EYS: variants seen among roughly 807,000 people sequenced by gnomAD.
EYS encodes EGF-like photoreceptor maintenance factor.
In EYS, 250 loss-of-function variants were observed where a neutral mutation model predicts 282.1. The observed-to-expected ratio is 0.89, with a 90% confidence interval of 0.80 to 0.98. EYS has a LOEUF of 0.98. EYS is among the 50% of genes least tolerant of loss of function. EYS has a pLI of 0.00. For missense variants in EYS, 4,016 were observed against 3,709.0 expected (o/e 1.08, Z -2.15); for synonymous variants, 1,355 against 1,282.9 (o/e 1.06, Z -1.20).
At chr6:65,182,634 C>A (rs780598551) in intron 12 of EYS, among the ~76,000 whole-genome samples, 1 of 151,782 alleles carries the variant, frequency 6.6e-6, no homozygotes, top group Non-Finnish European at 1.5e-5. Context: ...CCTCACAAAT[C>A]TATTAGTCTC....
At chr6:64,989,382 C>A (rs1026314395) in intron 14 of EYS, among the ~76,000 whole-genome samples, 32 of 56,414 alleles carry the variant, frequency 5.7e-4, no homozygotes, top group African/African-American at 3.8e-3. Flanking sequence ...AGGCTATTTA[C>A]TGGCTAGCTG....
chr6:65,591,327 T>C (rs1765226094), intron 2 of EYS, among the ~76,000 whole-genome samples: 1 of 149,436 alleles, frequency 6.7e-6, no homozygotes, highest in Non-Finnish European at 1.5e-5. Flanking sequence ...GCCTCCCAAG[T>C]AGCTACTTAC....
chr6:65,465,994 C>A (rs1764984853), intron 5 of EYS, among the ~76,000 whole-genome samples: 1 of 151,502 alleles, frequency 6.6e-6, no homozygotes, highest in Non-Finnish European at 1.5e-5. Context: ...ATCAATCAAT[C>A]AATCAATAAT....
Position 64,688,071 on chromosome 6 carries a change from T to C in EYS, c.3444-61826A>G, listed in dbSNP as rs557720367. 6.6e-4 allele frequency among the ~76,000 whole-genome samples: 101 copies of C among 152,084 alleles called. 2 individuals carry two copies. The highest frequency in any genetic ancestry group is 9.8e-4 in the Admixed American group (15 of 15,240). ...TATCTCTGTGGGATCGGTGGTGGTA[T>C]CCCCTTTATCATTTTTTATTGTGTC... On this transcript the variant is annotated intron_variant, in intron 22 of 42. Transcript: ENST00000503581.
intron 14 of EYS, among the ~76,000 whole-genome samples, chr6:64,958,207 T>C (rs1769776150): frequency 6.6e-6 from 1 of 152,130 alleles, no homozygotes; most frequent in African/African-American, 2.4e-5. Context: ...CCATATGTTG[T>C]GTGTATATGT....
chr6:65,514,277 A>G (rs1184579853), intron 2 of EYS, among the ~76,000 whole-genome samples: 3 of 152,154 alleles, frequency 2.0e-5, no homozygotes, highest in Admixed American at 6.5e-5. Context: ...CCACTGCTCA[A>G]TGAAATAAAA....
At chr6:65,105,214 AC>A (rs1775002168) in intron 12 of EYS, among the ~76,000 whole-genome samples, 1 of 151,792 alleles carries the variant, frequency 6.6e-6, no homozygotes, top group African/African-American at 2.4e-5. Flanking sequence ...CAAAAATCAA[AC>A]AATTTTAATA....
intron 22 of EYS, among the ~76,000 whole-genome samples, chr6:64,689,194 C>G (rs1367073030): frequency 1.3e-5 from 2 of 152,066 alleles, no homozygotes; most frequent in Non-Finnish European, 2.9e-5. Context: ...AACAGAGAGC[C>G]AAATCATGAG....
chr6:63,728,124 T>C (rs1044690057), intron 41 of EYS, among the ~76,000 whole-genome samples: 1 of 152,136 alleles, frequency 6.6e-6, no homozygotes, highest in Non-Finnish European at 1.5e-5. Context: ...ATGTTTATTA[T>C]AAGACAAACA....
At chr6:65,343,639 C>T (rs943868819) in intron 10 of EYS, among the ~76,000 whole-genome samples, 14 of 150,984 alleles carry the variant, frequency 9.3e-5, no homozygotes, top group African/African-American at 3.4e-4. Flanking sequence ...TTTTAAGTAG[C>T]TTGCTCGTGT....
chr6:65,403,267 G>C (rs1276454688), intron 6 of EYS, among the ~76,000 whole-genome samples: 1 of 151,934 alleles, frequency 6.6e-6, no homozygotes, highest in East Asian at 1.9e-4. Context: ...ATGCATCCAT[G>C]GGCAGGTAAA....
chr6:64,917,749 T>A (rs546561730), intron 15 of EYS, among the ~76,000 whole-genome samples: 116 of 152,298 alleles, frequency 7.6e-4, no homozygotes, highest in African/African-American at 2.6e-3. Flanking sequence ...ATTAGCTTGA[T>A]TTACCCATTT....
At chr6:65,552,890 T>C (rs1008591034) in intron 2 of EYS, among the ~76,000 whole-genome samples, 1 of 152,172 alleles carries the variant, frequency 6.6e-6, no homozygotes, top group Admixed American at 6.5e-5. Flanking sequence ...AGCCTTTCAG[T>C]TCTAAGGTAC....
intron 31 of EYS, among the ~76,000 whole-genome samples, chr6:64,168,552 G>A (rs949382391): frequency 1.3e-5 from 2 of 152,114 alleles, no homozygotes; most frequent in South Asian, 4.2e-4. Flanking sequence ...CTTGTAAATC[G>A]ATAAAAAGTA....
rs116791783 is a variant in EYS at position 65,431,517 on chromosome 6, A to G, written c.863-26150T>C. 5.1e-3 allele frequency among the ~76,000 whole-genome samples: 770 copies of G among 152,078 alleles called. 6 individuals carry two copies. The highest frequency in any genetic ancestry group is 0.018 in the African/African-American group (727 of 41,540). ...ATAAATAATATATTATTTGTAATTTACTATTCTCTCTTCTGGGGAGCTTTC... is the reference window on the plus strand; with the variant it reads ...ATAAATAATATATTATTTGTAATTTGCTATTCTCTCTTCTGGGGAGCTTTC... On this transcript the variant is annotated intron_variant, in intron 5 of 42. Coordinates refer to ENST00000503581, the MANE Select transcript of EYS (RefSeq NM_001142800.2).
intron 31 of EYS, among the ~76,000 whole-genome samples, chr6:64,143,215 ACTACT>A (rs1182150934): frequency 6.6e-6 from 1 of 152,102 alleles, no homozygotes; most frequent in African/African-American, 2.4e-5. Flanking sequence ...AGGCAGGGAA[ACTACT>A]CTATATGATA....
At chr6:65,558,274 GA>G (rs1441356372) in intron 2 of EYS, among the ~76,000 whole-genome samples, 4 of 152,216 alleles carry the variant, frequency 2.6e-5, no homozygotes, top group Non-Finnish European at 5.9e-5. Flanking sequence ...CCAAAGCCTG[GA>G]GGGGGTCAAG....
chr6:65,055,944 C>T (rs188535047), intron 13 of EYS, among the ~76,000 whole-genome samples: 3 of 152,146 alleles, frequency 2.0e-5, no homozygotes, highest in Non-Finnish European at 4.4e-5. Context: ...CTTTGAAAGC[C>T]AGTCACTATC....
intron 2 of EYS, among the ~76,000 whole-genome samples, chr6:65,549,149 C>T (rs559564175): frequency 6.6e-6 from 1 of 152,324 alleles, no homozygotes; most frequent in South Asian, 2.1e-4. Flanking sequence ...TAAATGGACA[C>T]AAACCGGCAC....
Sources: gnomAD v4.1 joint callset for allele counts (sites outside exome capture counted in the v4.1 genomes callset) on GRCh38, gnomAD v4.1.1 for gene constraint, MANE v1.5 for transcripts, NCBI Gene and HGNC (gene_info 2026-07-23, HGNC 2026-07-21) for gene names.